CAPN1: variants seen among roughly 807,000 people sequenced by gnomAD.
CAPN1 encodes the protein calpain 1.
Under a neutral mutation model 105.2 loss-of-function variants are expected in CAPN1, and 77 were observed. The ratio of observed to expected loss-of-function variants is 0.73; its 90% CI spans 0.61 to 0.88. The LOEUF (loss-of-function observed/expected upper bound fraction) is 0.88. Among genes scored for constraint, CAPN1 ranks in the 40% least tolerant of loss-of-function variants. CAPN1 has a pLI of 0.00. For missense variants in CAPN1, 833 were observed against 976.6 expected (o/e 0.85, Z 1.96); for synonymous variants, 355 against 388.8 (o/e 0.91, Z 1.02).
Position 65,186,391 on chromosome 11 carries a change from C to G in CAPN1, c.759+53C>G, listed in dbSNP as rs1948634519. 2.0e-6 allele frequency: 3 copies of G among 1,508,740 alleles called. No individual in the cohort carries two copies. In the Admixed American group the frequency reaches 6.1e-5, roughly 31 times the overall value. The allele number at this position is 1,508,740 out of a possible 1,614,324, so 93.5% of individuals were successfully genotyped here. ...GTACCCTGGAACCCTGGTATCCTGACCTGTCACATTTTCTAAAATCCCCAC... is the reference window on the plus strand; with the variant it reads ...GTACCCTGGAACCCTGGTATCCTGAGCTGTCACATTTTCTAAAATCCCCAC... On this transcript the variant is annotated intron_variant, in intron 6 of 21. Transcript: ENST00000279247.
rs1949048505 is a variant in CAPN1 at position 65,211,451 on chromosome 11, T to C, written c.*165T>C. ...CTCCTCCCAGCCACCATCGTTCATC[T>C]GCTCCGGGCAGAACTGTGTGGCCCC... On this transcript the variant is annotated 3_prime_UTR_variant, in exon 22 of 22. Coordinates refer to ENST00000279247, the MANE Select transcript of CAPN1 (RefSeq NM_005186.4). 2 of 688,176 alleles carry C rather than the reference T, an allele frequency of 2.9e-6. No homozygotes were observed. The highest frequency in any genetic ancestry group is 5.2e-6 in the Non-Finnish European group (2 of 387,216). 42.6% of individuals were successfully genotyped at this position (688,176 alleles called of 1,614,324 possible).
Position 65,209,066 on chromosome 11 carries a change from A to C in CAPN1, c.1730-257A>C. 2 of 545,434 alleles carry C rather than the reference A, an allele frequency of 3.7e-6. No individual in the cohort carries two copies. Among genetic ancestry groups the C allele is most frequent in the South Asian group, 2.1e-5 (1 of 47,732 alleles). 33.8% of individuals were successfully genotyped at this position (545,434 alleles called of 1,614,324 possible). A position where few individuals can be genotyped will look rare whatever the true frequency, so the allele number is the denominator to read the frequency against. ...CTGCCCTGCCCCATCTTTCTACCCAATTTCTCGCTCTTCTGTTTCACACTC... is the reference window on the plus strand; with the variant it reads ...CTGCCCTGCCCCATCTTTCTACCCACTTTCTCGCTCTTCTGTTTCACACTC... On this transcript the variant is annotated intron_variant, in intron 16 of 21. Transcript: ENST00000279247. This position sits in a 1 kb window ranked among gnomAD's most constrained non-coding sequence, Gnocchi z 4.1.
At chr11:65,194,265 G>A (rs965951474) in intron 10 of CAPN1, among the ~76,000 whole-genome samples, 4 of 151,976 alleles carry the variant, frequency 2.6e-5, no homozygotes, top group South Asian at 2.1e-4. Context: ...CACCACGCTC[G>A]GCCTGGATTG....
chr11:65,199,827 T>C lies in CAPN1; in HGVS notation c.1166-4856T>C, dbSNP rs1301081990. Among the ~76,000 whole-genome samples the C allele has an allele frequency of 3.3e-5, 5 of 152,238 alleles. No individual in the cohort carries two copies. The East Asian group carries it at 5.8e-4, about 18-fold the overall frequency. On this transcript the variant is annotated intron_variant, in intron 10 of 21. Coordinates refer to ENST00000279247, the MANE Select transcript of CAPN1 (RefSeq NM_005186.4). The stretch of plus-strand genomic sequence containing the variant: ...AACTTTTCATCTATTTCTTTAAACA[T>C]AGTAAGCATAGTCTTATATTCTGTG...
chr11:65,209,839 G>A lies in CAPN1; in HGVS notation c.1795-10G>A, dbSNP rs1333299392. 14 of 1,612,980 alleles carry A rather than the reference G, an allele frequency of 8.7e-6. No individual in the cohort carries two copies. The highest frequency in any genetic ancestry group is 2.7e-5 in the African/African-American group (2 of 74,862). On this transcript the variant is annotated splice_polypyrimidine_tract_variant and intron_variant, in intron 17 of 21. Transcript: ENST00000279247. The surrounding 1 kb of genome is among the most constrained non-coding windows in gnomAD (Gnocchi z 4.1). ...TAAGTGATGGAATTTCCTTCTTAAC[G>A]GCCACCCAGCGTGATGGCAATGGGA...
chr11:65,191,776 A>T (rs1024301592), intron 10 of CAPN1, among the ~76,000 whole-genome samples: 3 of 152,120 alleles, frequency 2.0e-5, no homozygotes, highest in Non-Finnish European at 4.4e-5. Flanking sequence ...CTTGTCTAAT[A>T]TGCTGCCTAG....
In CAPN1 at chr11:65,188,608, C is replaced by A. The variant is rs772920091; in HGVS notation, c.1027C>A (p.Arg343=). 3 of 1,613,972 alleles carry A rather than the reference C, an allele frequency of 1.9e-6. No homozygotes were observed. The highest frequency in any genetic ancestry group is 2.2e-5 in the East Asian group (1 of 44,874). The change falls in exon 10 of 22, where the codon CGG becomes AGG. Residue 343 remains arginine (R), a synonymous_variant. Coordinates refer to ENST00000279247, the MANE Select transcript of CAPN1 (RefSeq NM_005186.4). The surrounding 1 kb of genome is among the most constrained non-coding windows in gnomAD (Gnocchi z 5.5). ...EFWMSFRDFM[R]EFTRLEICNL... Reference sequence around the variant, plus strand: ...CAGGATGTCATTCCGAGACTTCATGCGGGAGTTCACCCGCCTGGAGATCTG... The same window carrying A: ...CAGGATGTCATTCCGAGACTTCATGAGGGAGTTCACCCGCCTGGAGATCTG...
rs1216358720 is a variant in CAPN1, at chr11:65,185,869, G to C, written c.457-48G>C. On this transcript the variant is annotated intron_variant, in intron 4 of 21. Transcript: ENST00000279247. ...AAGGTAGGGGTAAGGATGGAGCTCA[G>C]GTCCGGGGGATTCCAAAGCAGGTAC... is the stretch of plus-strand genomic sequence containing the variant. 5.8e-6 allele frequency: 9 copies of C among 1,549,244 alleles called. No homozygotes were observed. In the East Asian group the frequency reaches 1.7e-4, roughly 29 times the overall value.
chr11:65,184,284 AC>A (rs1322930293), intron 4 of CAPN1, among the ~76,000 whole-genome samples: 9 of 152,018 alleles, frequency 5.9e-5, no homozygotes, highest in African/African-American at 1.9e-4. Context: ...GGCCCTCGGA[AC>A]CCAGGGTGCG....
At chr11:65,186,075 TC>T in intron 5 of CAPN1, 25 bp downstream of exon 5, 1 of 1,608,960 alleles carries the variant, frequency 6.2e-7, no homozygotes. Flanking sequence ...AGGGGGCAAC[TC>T]CAGCTTCCAG....
chr11:65,209,046 C>G lies in CAPN1; in HGVS notation c.1730-277C>G. ...CTCCTAGCCTACAGCAAGCCCTGCCCTGCCCCATCTTTCTACCCAATTTCT... is the reference window on the plus strand; with the variant it reads ...CTCCTAGCCTACAGCAAGCCCTGCCGTGCCCCATCTTTCTACCCAATTTCT... On this transcript the variant is annotated intron_variant, in intron 16 of 21. Coordinates refer to ENST00000279247, the MANE Select transcript of CAPN1 (RefSeq NM_005186.4). This position sits in a 1 kb window ranked among gnomAD's most constrained non-coding sequence, Gnocchi z 4.1. The G allele has an allele frequency of 1.9e-6, 1 of 520,994 alleles. No individual in the cohort carries two copies. The highest frequency in any genetic ancestry group is 3.5e-6 in the Non-Finnish European group (1 of 286,560). The allele number at this position is 520,994 out of a possible 1,614,324, so 32.3% of individuals were successfully genotyped here. A position where few individuals can be genotyped will look rare whatever the true frequency, so the allele number is the denominator to read the frequency against.
intron 10 of CAPN1, among the ~76,000 whole-genome samples, chr11:65,190,671 C>G (rs1948705657): frequency 6.6e-6 from 1 of 151,946 alleles, no homozygotes; most frequent in African/African-American, 2.4e-5. Flanking sequence ...ATTCCTTCTT[C>G]AAGAGTCTCT....
intron 10 of CAPN1, among the ~76,000 whole-genome samples, chr11:65,194,128 A>C (rs1444130544): frequency 1.4e-5 from 2 of 145,840 alleles, no homozygotes; most frequent in African/African-American, 5.0e-5. Context: ...TGCCCAACTA[A>C]TTTTTTTTTT....
Position 65,205,718 on chromosome 11 carries a change from G to A in CAPN1, c.1350G>A (p.Pro450=), listed in dbSNP as rs745990806. Residue 450 remains proline (P), a synonymous_variant, in exon 12 of 22, where the codon CCG becomes CCA. Coordinates refer to ENST00000279247, the MANE Select transcript of CAPN1 (RefSeq NM_005186.4). ...TIGFAVYEVP[P]ELVGQPAVHL... ...CTGTCTCTCTATTGCAGGTCCCTCCGGAGGTAGGTGTGGCACCATGACCCA... is the reference window on the plus strand; with the variant it reads ...CTGTCTCTCTATTGCAGGTCCCTCCAGAGGTAGGTGTGGCACCATGACCCA... The A allele has an allele frequency of 3.0e-5, 49 of 1,613,546 alleles. No homozygotes were observed. The highest frequency in any genetic ancestry group is 1.6e-4 in the Middle Eastern group (1 of 6,078).
At chr11:65,190,708 TTTTG>T (rs145795695) in intron 10 of CAPN1, among the ~76,000 whole-genome samples, 4,139 of 114,856 alleles carry the variant, frequency 0.036, 186 homozygotes, top group African/African-American at 0.11. Context: ...TGTTGGTTTT[TTTTG>T]TTTTTGTTTT....
At chr11:65,200,304 G>T (rs1260621532) in intron 10 of CAPN1, among the ~76,000 whole-genome samples, 1 of 151,758 alleles carries the variant, frequency 6.6e-6, no homozygotes, top group East Asian at 1.9e-4. Flanking sequence ...GCCTCCCAAA[G>T]TGCTAGGATT....
chr11:65,188,403 G>A lies in CAPN1; in HGVS notation c.930-11G>A, dbSNP rs774000128. 23 of 1,606,068 alleles carry A rather than the reference G, an allele frequency of 1.4e-5. No homozygotes were observed. The highest frequency in any genetic ancestry group is 1.3e-4 in the South Asian group (12 of 89,612). Reference sequence around the variant, plus strand: ...TGCCCACCAGCCCTGGCAGAGCCCTGCTCCTCACAGCTCCTCAGAGTGGAA... The same window carrying A: ...TGCCCACCAGCCCTGGCAGAGCCCTACTCCTCACAGCTCCTCAGAGTGGAA... On this transcript the variant is annotated splice_polypyrimidine_tract_variant and intron_variant, in intron 8 of 21. Coordinates refer to ENST00000279247, the MANE Select transcript of CAPN1 (RefSeq NM_005186.4). This position sits in a 1 kb window ranked among gnomAD's most constrained non-coding sequence, Gnocchi z 5.5.
At chr11:65,196,969 T>C (rs566054958) in intron 10 of CAPN1, among the ~76,000 whole-genome samples, 1 of 152,200 alleles carries the variant, frequency 6.6e-6, no homozygotes, top group Non-Finnish European at 1.5e-5. Flanking sequence ...TAACTCACAC[T>C]GAGCCTATGA....
chr11:65,200,508 T>A (rs1948852441), intron 10 of CAPN1, among the ~76,000 whole-genome samples: 1 of 152,088 alleles, frequency 6.6e-6, no homozygotes. Flanking sequence ...TATGTCTGAC[T>A]AATTTTTTGT....
Sources: allele counts gnomAD v4.1 joint callset (sites outside exome capture counted in the v4.1 genomes callset), GRCh38; gene constraint gnomAD v4.1.1; non-coding constraint Gnocchi (gnomAD v3.1); transcripts MANE v1.5; gene names NCBI Gene and HGNC (gene_info 2026-07-23, HGNC 2026-07-21).